LRRK1: variants seen among roughly 807,000 people sequenced by gnomAD.
LRRK1 encodes the protein leucine rich repeat kinase 1.
A neutral mutation model predicts 209.1 loss-of-function variants in LRRK1; 113 were observed. That is an observed-to-expected ratio of 0.54 (90% CI 0.46 to 0.63). The LOEUF (loss-of-function observed/expected upper bound fraction) is 0.63, where lower values mean the gene tolerates loss of function less well. Among genes scored for constraint, LRRK1 ranks in the 30% least tolerant of loss-of-function variants. The pLI, the probability that LRRK1 is intolerant of heterozygous loss-of-function variation, is 0.00. For missense variants in LRRK1, 2,284 were observed against 2,632.2 expected (o/e 0.87, Z 2.89); for synonymous variants, 1,144 against 1,099.7 (o/e 1.04, Z -0.80).
Position 100,924,724 on chromosome 15 carries a change from T to G in LRRK1, c.92T>G (p.Leu31Arg), listed in dbSNP as rs376424624. ...AVCPERAMET[L>R]NGAGDTGGKP... ...TGTCCAGAACGTGCCATGGAGACGC[T>G]TAACGGTAAGGACAGGGCTGTGCTT... is the stretch of plus-strand genomic sequence containing the variant. Residue 31 changes from leucine to arginine, a missense_variant, in exon 2 of 34, where the codon CTT (leucine) becomes CGT (arginine). Physicochemically the swap from Leu to Arg is moderately radical, Grantham distance 102. Transcript: ENST00000388948. 4 of 1,613,476 alleles carry G rather than the reference T, an allele frequency of 2.5e-6. No individual in the cohort carries two copies. Among genetic ancestry groups the G allele is most frequent in the Non-Finnish European group, 3.4e-6 (4 of 1,179,530 alleles).
At chr15:101,058,276 C>A in intron 29 of LRRK1, 135 bp downstream of exon 29, 1 of 820,940 alleles carries the variant, frequency 1.2e-6, no homozygotes, top group Non-Finnish European at 1.9e-6. Flanking sequence ...GGTTAGACTG[C>A]ACTCAAGAAA....
chr15:100,974,594 G>A (rs735869), intron 3 of LRRK1, among the ~76,000 whole-genome samples: 39,090 of 152,026 alleles, frequency 0.26, 5,318 homozygotes, highest in East Asian at 0.51. Flanking sequence ...CCATCTAGAG[G>A]GACCGTGTCT....
At position 101,068,909 on chromosome 15, in the gene LRRK1, T is replaced by TC. The variant is rs899518302; in HGVS notation, c.*62dup. The stretch of plus-strand genomic sequence containing the variant: ...TGGCCCGGGGCTGCAGCCTGACCCC[T>TC]CTGCCATCGGCCTCTAGTTCTCCAA... On this transcript the variant is annotated 3_prime_UTR_variant, in exon 34 of 34. Transcript: ENST00000388948. The TC allele has an allele frequency of 1.4e-5, 20 of 1,470,278 alleles. No individual in the cohort carries two copies. Among genetic ancestry groups the TC allele is most frequent in the Non-Finnish European group, 1.8e-5 (20 of 1,092,512 alleles). The allele number at this position is 1,470,278 out of a possible 1,614,324, so 91.1% of individuals were successfully genotyped here.
rs201017478 is a variant in LRRK1, at chr15:101,011,536, T to C, written c.1282-472T>C. ...AGCACTGCTGATTAAATGCTGTTTT[T>C]GCATCTGGGGAATTTTGCTTGTTAA... On this transcript the variant is annotated intron_variant, in intron 9 of 33. Coordinates refer to ENST00000388948, the MANE Select transcript of LRRK1 (RefSeq NM_024652.6). Among the ~76,000 whole-genome samples, 11 of 152,044 alleles carry C rather than the reference T, an allele frequency of 7.2e-5. No individual in the cohort carries two copies. The East Asian group carries it at 1.9e-3, about 27-fold the overall frequency.
Position 101,009,060 on chromosome 15 carries a change from C to T in LRRK1, c.986C>T (p.Ser329Phe). Residue 329 changes from serine to phenylalanine, a missense_variant, in exon 7 of 34, where the codon TCC becomes TTC. This residue lies in a region of LRRK1 where 494 missense variants were observed against 522.1 expected (regional missense o/e 0.95). Coordinates refer to ENST00000388948, the MANE Select transcript of LRRK1 (RefSeq NM_024652.6). ...CAGTCATCGGACGAAATCATCTGTT[C>T]CAGGTGGCTCCCCGGGGTGTGACCG... ...GVQSSDEIIC[S>F]RLLEIDISSN... 1 of 1,611,970 alleles carries T rather than the reference C, an allele frequency of 6.2e-7. No individual in the cohort carries two copies. The highest frequency in any genetic ancestry group is 8.5e-7 in the Non-Finnish European group (1 of 1,178,104).
At chr15:100,967,150 A>G in intron 2 of LRRK1, among the ~76,000 whole-genome samples, 1 of 152,230 alleles carries the variant, frequency 6.6e-6, no homozygotes, top group South Asian at 2.1e-4. Context: ...GGCCCTGCTA[A>G]TGGCCTTTCT....
chr15:100,952,924 A>T (rs1268483796), intron 2 of LRRK1, among the ~76,000 whole-genome samples: 3 of 152,136 alleles, frequency 2.0e-5, no homozygotes, highest in Non-Finnish European at 2.9e-5. Flanking sequence ...CTCTAGGGCC[A>T]CTCATTTGAA....
chr15:101,052,096 A>C (rs1329487954), intron 24 of LRRK1, 136 bp downstream of exon 24: 4 of 1,001,446 alleles, frequency 4.0e-6, no homozygotes, highest in Non-Finnish European at 5.8e-6. Flanking sequence ...CACCAATCTC[A>C]GTACCTTTTA....
At chr15:100,942,368 G>A (rs1454746856) in intron 2 of LRRK1, among the ~76,000 whole-genome samples, 1 of 152,164 alleles carries the variant, frequency 6.6e-6, no homozygotes, top group South Asian at 2.1e-4. Context: ...CTCTTTCTCT[G>A]TTGGGCAAAT....
chr15:100,941,085 TAA>T (rs2042391770), intron 2 of LRRK1, among the ~76,000 whole-genome samples: 5 of 152,212 alleles, frequency 3.3e-5, no homozygotes, highest in Admixed American at 3.3e-4. Context: ...CTTGGCTACA[TAA>T]AGAGGAAACA....
intron 20 of LRRK1, among the ~76,000 whole-genome samples, chr15:101,034,246 GC>G (rs2141110015): frequency 6.6e-6 from 1 of 152,302 alleles, no homozygotes; most frequent in Non-Finnish European, 1.5e-5. Flanking sequence ...CAGTGAAGAA[GC>G]CATTTAGTTT....
intron 2 of LRRK1, among the ~76,000 whole-genome samples, chr15:100,938,412 C>T (rs907640169): frequency 1.3e-5 from 2 of 152,104 alleles, no homozygotes; most frequent in Non-Finnish European, 2.9e-5. Context: ...TCACCGCAAA[C>T]ATTTTTCATT....
chr15:100,960,978 C>T (rs1460905508), intron 2 of LRRK1, among the ~76,000 whole-genome samples: 1 of 152,190 alleles, frequency 6.6e-6, no homozygotes, highest in African/African-American at 2.4e-5. Flanking sequence ...ATAAGAGTCT[C>T]ATGTTTGGCT....
chr15:101,040,092 G>T (rs915362662), intron 20 of LRRK1, among the ~76,000 whole-genome samples: 1 of 152,120 alleles, frequency 6.6e-6, no homozygotes, highest in African/African-American at 2.4e-5. Flanking sequence ...GAATTGAAAA[G>T]ATTTTTTTCC....
In LRRK1 at chr15:101,046,123, C is replaced by T. The variant is rs774651419; in HGVS notation, c.3106C>T (p.Leu1036=). Reference sequence around the variant, plus strand: ...CTGGCAAAGGTTTATAGCACGGATGCTGATCAGCCTGGCGGAGATGGACCT... The same window carrying T: ...CTGGCAAAGGTTTATAGCACGGATGTTGATCAGCCTGGCGGAGATGGACCT... ...GFWQRFIARM[L]ISLAEMDLQL... is the part of the protein sequence containing the mutation. The change falls in exon 21 of 34, where the codon CTG becomes TTG. Residue 1036 remains leucine (L), a synonymous_variant. Transcript: ENST00000388948. 3.2e-5 allele frequency: 51 copies of T among 1,614,142 alleles called. No individual in the cohort carries two copies. Among genetic ancestry groups the T allele is most frequent in the Non-Finnish European group, 4.1e-5 (48 of 1,180,054 alleles).
chr15:100,986,697 T>C lies in LRRK1; in HGVS notation c.434-1937T>C, dbSNP rs989014784. Among the ~76,000 whole-genome samples, 50 of 152,248 alleles carry C rather than the reference T, an allele frequency of 3.3e-4. 1 individual carries two copies. Among genetic ancestry groups the C allele is most frequent in the African/African-American group, 1.1e-3 (46 of 41,474 alleles). On this transcript the variant is annotated intron_variant, in intron 4 of 33. Coordinates refer to ENST00000388948, the MANE Select transcript of LRRK1 (RefSeq NM_024652.6). Reference sequence around the variant, plus strand: ...CAACCTGTAGGTAATTAACATTTATTGTTCCCCTTTCAGGGAACATCAAGC... The same window carrying C: ...CAACCTGTAGGTAATTAACATTTATCGTTCCCCTTTCAGGGAACATCAAGC...
At chr15:100,973,291 G>A (rs1488038967) in intron 2 of LRRK1, among the ~76,000 whole-genome samples, 2 of 152,248 alleles carry the variant, frequency 1.3e-5, no homozygotes, top group South Asian at 2.1e-4. Context: ...TACGCAGCGC[G>A]TTCGTGCCAG....
intron 2 of LRRK1, among the ~76,000 whole-genome samples, chr15:100,968,640 T>C (rs2030634464): frequency 6.6e-6 from 1 of 152,114 alleles, no homozygotes; most frequent in African/African-American, 2.4e-5. Context: ...TCTCTTTCTT[T>C]CTTCCTTTTC....
At chr15:100,989,508 T>C in intron 6 of LRRK1, 110 bp downstream of exon 6, 1 of 1,197,216 alleles carries the variant, frequency 8.4e-7, no homozygotes. Context: ...GGCTTACAGG[T>C]CTGGAGATTG....
Sources: gnomAD v4.1 joint callset for allele counts (sites outside exome capture counted in the v4.1 genomes callset) on GRCh38, gnomAD v4.1.1 for gene constraint, gnomAD v4.1.1 regional missense constraint, MANE v1.5 for transcripts, NCBI Gene and HGNC (gene_info 2026-07-23, HGNC 2026-07-21) for gene names.